CORO1C: variants seen among roughly 807,000 people sequenced by gnomAD.
CORO1C encodes coronin 1C, also known as coronin-1C.
Under a neutral mutation model 51.2 loss-of-function variants are expected in CORO1C, and 14 were observed. That is an observed-to-expected ratio of 0.27 (90% CI 0.18 to 0.43). The LOEUF (loss-of-function observed/expected upper bound fraction) is 0.43. CORO1C is among the 20% of genes least tolerant of loss of function. The probability of loss-of-function intolerance (pLI) is 1.00; values close to 1 mark genes in which losing one functional copy is unlikely to be tolerated. For missense variants in CORO1C, 417 were observed against 607.8 expected, an observed-to-expected ratio of 0.69 and a Z score of 3.30; for synonymous variants, 181 against 210.5, an observed-to-expected ratio of 0.86 and a Z score of 1.21.
intron 1 of CORO1C, among the ~76,000 whole-genome samples, chr12:108,706,282 C>T (rs557883626): frequency 4.6e-5 from 7 of 151,964 alleles, no homozygotes; most frequent in African/African-American, 1.4e-4. Flanking sequence ...AAGGGAATTT[C>T]CTCAACCTGA....
rs192880239 is a variant in CORO1C at position 108,651,580 on chromosome 12, G to A, written c.1001+692C>T. 4.6e-5 allele frequency among the ~76,000 whole-genome samples: 7 copies of A among 152,288 alleles called. 1 individual carries two copies. Among genetic ancestry groups the A allele is most frequent in the African/African-American group, 1.7e-4 (7 of 41,564 alleles). ...TTTGACTCTGGTTCTTCCACTCATA[G>A]GGTAGGAAAACCACCCACTTTTCCA... On this transcript the variant is annotated intron_variant, in intron 8 of 10. Transcript: ENST00000261401.
chr12:108,695,780 T>C (rs1375353171), intron 2 of CORO1C, among the ~76,000 whole-genome samples: 3 of 148,958 alleles, frequency 2.0e-5, no homozygotes, highest in Non-Finnish European at 2.9e-5. Flanking sequence ...CTCTAATATA[T>C]GCTATTATAG....
At position 108,715,636 on chromosome 12, in the gene CORO1C, TC is replaced by T. The variant is rs1392728632; in HGVS notation, c.-5-14314del. ...GGCGCTACCTGACCCGCCTCCTCCC[TC>T]CCCCCCTCCCCCCCGCATACTCACA... On this transcript the variant is annotated intron_variant, in intron 1 of 10. Coordinates refer to ENST00000261401, the MANE Select transcript of CORO1C (RefSeq NM_014325.4). 3.8e-4 allele frequency among the ~76,000 whole-genome samples: 12 copies of T among 31,758 alleles called. No individual in the cohort carries two copies. In the South Asian group the frequency reaches 9.5e-3, roughly 25 times the overall value. The allele number at this position is 31,758 out of a possible 152,430, so 20.8% of individuals were successfully genotyped here.
intron 8 of CORO1C, among the ~76,000 whole-genome samples, chr12:108,651,261 C>T (rs568956460): frequency 2.6e-4 from 40 of 152,188 alleles, no homozygotes; most frequent in Non-Finnish European, 4.9e-4. Flanking sequence ...CACAGTGTTA[C>T]ACAAATGTTT....
chr12:108,686,709 A>G (rs1459548568), intron 2 of CORO1C, among the ~76,000 whole-genome samples: 1 of 152,228 alleles, frequency 6.6e-6, no homozygotes, highest in Non-Finnish European at 1.5e-5. Flanking sequence ...TCAACCCAAC[A>G]GGTGGCAAAA....
intron 1 of CORO1C, among the ~76,000 whole-genome samples, chr12:108,716,130 A>C (rs2035331630): frequency 1.8e-5 from 2 of 113,442 alleles, no homozygotes; most frequent in African/African-American, 7.8e-5. Context: ...TCTGTCGCAA[A>C]AAAAAAAAAA....
chr12:108,649,087 A>G, intron 8 of CORO1C, 67 bp from the exon 9 acceptor site: 1 of 1,558,760 alleles, frequency 6.4e-7, no homozygotes, highest in Non-Finnish European at 8.8e-7. Flanking sequence ...AGGATGAATA[A>G]TTAGTTTTCT....
rs1452158234 is a variant in CORO1C at position 108,667,837 on chromosome 12, C to T, written c.319-5679G>A. Among the ~76,000 whole-genome samples the T allele has an allele frequency of 2.6e-5, 4 of 152,202 alleles. No homozygotes were observed. In the East Asian group the frequency reaches 5.8e-4, roughly 22 times the overall value. On this transcript the variant is annotated intron_variant, in intron 3 of 10. Transcript: ENST00000261401. ...TACTGTACCATGGGCATCCTTTTCA[C>T]ATGTGAAAGCCTGGATATGGAAAAA... is the stretch of plus-strand genomic sequence containing the variant.
intron 8 of CORO1C, among the ~76,000 whole-genome samples, chr12:108,650,159 A>C (rs902368756): frequency 3.4e-5 from 5 of 145,158 alleles, no homozygotes; most frequent in Non-Finnish European, 7.5e-5. Flanking sequence ...AAACTAAAAG[A>C]GTCCCAGATA....
At chr12:108,677,182 T>A (rs2033938228) in intron 3 of CORO1C, among the ~76,000 whole-genome samples, 1 of 152,202 alleles carries the variant, frequency 6.6e-6, no homozygotes, top group Non-Finnish European at 1.5e-5. Context: ...TTAGAGACCA[T>A]CTTCCCTTAT....
At chr12:108,680,204 T>C (rs1164363769) in intron 2 of CORO1C, among the ~76,000 whole-genome samples, 2 of 152,096 alleles carry the variant, frequency 1.3e-5, no homozygotes, top group East Asian at 1.9e-4. Flanking sequence ...TGGTGCCACA[T>C]AGGAACAGAG....
intron 1 of CORO1C, 29 bp from the exon 2 acceptor site, chr12:108,701,352 G>C: frequency 6.2e-7 from 1 of 1,613,820 alleles, no homozygotes; most frequent in Non-Finnish European, 8.5e-7. Context: ...AATTATGTTA[G>C]AATTATGCAC....
intron 3 of CORO1C, among the ~76,000 whole-genome samples, chr12:108,671,595 T>C (rs1021046852): frequency 1.7e-4 from 26 of 151,452 alleles, no homozygotes; most frequent in African/African-American, 5.8e-4. Context: ...AAATTAACTA[T>C]ATTTGAAGAA....
chr12:108,661,579 C>A (rs1017041483), intron 4 of CORO1C, among the ~76,000 whole-genome samples: 1 of 151,626 alleles, frequency 6.6e-6, no homozygotes, highest in Non-Finnish European at 1.5e-5. Context: ...TATACATGTA[C>A]TAATTGTATA....
intron 5 of CORO1C, among the ~76,000 whole-genome samples, chr12:108,657,662 C>T (rs1362849048): frequency 6.6e-6 from 1 of 152,230 alleles, no homozygotes; most frequent in African/African-American, 2.4e-5. Flanking sequence ...AAGACTCGCT[C>T]TCTCCACCAT....
Position 108,662,112 on chromosome 12 carries a change from G to T in CORO1C, c.365C>A (p.Pro122His). Reference sequence around the variant, plus strand: ...TGAGTGGCCTTCCAAAATCACCACAGGTTCAGTCAGGGAAAGGGTGAGTCC... The same window carrying T: ...TGAGTGGCCTTCCAAAATCACCACATGTTCAGTCAGGGAAAGGGTGAGTCC... The part of the protein sequence containing the change: ...ENGLTLSLTE[P>H]VVILEGHSKR... The change falls in exon 4 of 11, where the codon CCT becomes CAT. Residue 122 changes from proline to histidine, a missense_variant. Coordinates refer to ENST00000261401, the MANE Select transcript of CORO1C (RefSeq NM_014325.4). 6.2e-7 allele frequency: 1 copy of T among 1,613,800 alleles called. No homozygotes were observed. The highest frequency in any genetic ancestry group is 8.5e-7 in the Non-Finnish European group (1 of 1,179,748).
intron 1 of CORO1C, chr12:108,702,682 G>A (rs925425384): frequency 2.7e-5 from 32 of 1,165,120 alleles, no homozygotes; most frequent in Non-Finnish European, 3.7e-5. Context: ...ACTCATGCCA[G>A]ACGAGACACA....
At chr12:108,712,083 C>T (rs1254158961) in intron 1 of CORO1C, among the ~76,000 whole-genome samples, 1 of 152,130 alleles carries the variant, frequency 6.6e-6, no homozygotes, top group Non-Finnish European at 1.5e-5. Context: ...GTGGCAACCA[C>T]AAGACTCTAA....
rs1406378244 is a variant in CORO1C, at chr12:108,658,173, C to A, written c.630+565G>T. On this transcript the variant is annotated intron_variant, in intron 5 of 10. Coordinates refer to ENST00000261401, the MANE Select transcript of CORO1C (RefSeq NM_014325.4). The surrounding 1 kb of genome is among the most constrained non-coding windows in gnomAD (Gnocchi z 4.9). ...ACTGAGCTGATGAGAGAACTTGTTG[C>A]TTTTCGCCCTGCGCATTTATTTATT... 6.6e-6 allele frequency among the ~76,000 whole-genome samples: 1 copy of A among 152,136 alleles called. No homozygotes were observed. The highest frequency in any genetic ancestry group is 2.4e-5 in the African/African-American group (1 of 41,420).
Sources: allele counts gnomAD v4.1 joint callset (sites outside exome capture counted in the v4.1 genomes callset), GRCh38; gene constraint gnomAD v4.1.1; non-coding constraint Gnocchi (gnomAD v3.1); transcripts MANE v1.5; gene names NCBI Gene and HGNC (gene_info 2026-07-23, HGNC 2026-07-21).